Variants in OPHN1 observed in about 807,000 individuals in gnomAD.
OPHN1 encodes oligophrenin 1.
OPHN1 carries 11 observed loss-of-function variants against 60.7 expected under a neutral mutation model. The ratio of observed to expected loss-of-function variants is 0.18; its 90% CI spans 0.11 to 0.30. OPHN1 has a LOEUF of 0.30. Among genes scored for constraint, OPHN1 ranks in the 10% least tolerant of loss-of-function variants. The pLI is 1.00. For synonymous variants in OPHN1, 226 were observed against 222.6 expected, an observed-to-expected ratio of 1.02 and a Z score of -0.14; for missense variants, 449 against 611.0, an observed-to-expected ratio of 0.73 and a Z score of 2.80.
At chrX:68,331,853 G>A (rs1007066356) in intron 2 of OPHN1, among the ~76,000 whole-genome samples, 6 of 110,025 alleles carry the variant, frequency 5.5e-5, no homozygotes, top group East Asian at 2.8e-4. Context: ...GGCCAACATG[G>A]TGAAACTCTG....
intron 2 of OPHN1, among the ~76,000 whole-genome samples, chrX:68,426,806 A>C (rs1288840111): frequency 1.0e-5 from 1 of 98,343 alleles, no homozygotes; most frequent in Non-Finnish European, 2.1e-5. Flanking sequence ...AGGAGTTCGA[A>C]GTTGCAGTGA....
At chrX:68,231,727 T>C (rs1602258151) in intron 6 of OPHN1, among the ~76,000 whole-genome samples, 1 of 111,950 alleles carries the variant, frequency 8.9e-6, no homozygotes, top group Non-Finnish European at 1.9e-5. Flanking sequence ...ACCAACTATA[T>C]GACATTTTGG....
At chrX:68,403,153 T>C (rs1184694380) in intron 2 of OPHN1, among the ~76,000 whole-genome samples, 1 of 112,018 alleles carries the variant, frequency 8.9e-6, no homozygotes, top group Non-Finnish European at 1.9e-5. Flanking sequence ...TGTCCCTGTG[T>C]GTTAAATAGG....
intron 2 of OPHN1, among the ~76,000 whole-genome samples, chrX:68,337,536 T>C (rs2078329940): frequency 4.5e-5 from 5 of 111,395 alleles, no homozygotes. Flanking sequence ...TGGTTTTTTT[T>C]CTAAAGACAA....
intron 2 of OPHN1, 100 bp downstream of exon 2, chrX:68,432,767 G>T: frequency 3.1e-6 from 3 of 962,716 alleles, no homozygotes; most frequent in Non-Finnish European, 4.4e-6. Flanking sequence ...GATCTGGGCT[G>T]GGAGTCACCC....
chrX:68,200,561 G>A (rs187449664), intron 11 of OPHN1, among the ~76,000 whole-genome samples: 4 of 111,712 alleles, frequency 3.6e-5, no homozygotes, highest in South Asian at 3.8e-4. Context: ...GCAACAATAC[G>A]TACTTTCAGA....
intron 2 of OPHN1, among the ~76,000 whole-genome samples, chrX:68,305,715 T>C (rs1254578952): frequency 8.9e-6 from 1 of 112,683 alleles, no homozygotes; most frequent in African/African-American, 3.2e-5. Flanking sequence ...AGCTGCCCAC[T>C]AAGCAAACCT....
intron 15 of OPHN1, among the ~76,000 whole-genome samples, chrX:68,158,927 TAATTCACAA>T (rs2077322124): frequency 1.8e-5 from 2 of 111,856 alleles, no homozygotes; most frequent in South Asian, 7.5e-4. Context: ...CTGCTCCAGC[TAATTCACAA>T]GGCAGAGGTT....
intron 2 of OPHN1, among the ~76,000 whole-genome samples, chrX:68,319,033 A>C (rs896845603): frequency 1.8e-5 from 2 of 111,630 alleles, no homozygotes; most frequent in Non-Finnish European, 3.8e-5. Flanking sequence ...GATCACCTGG[A>C]TAACGCAGTG....
intron 2 of OPHN1, 77 bp downstream of exon 2, chrX:68,432,790 T>C: frequency 9.1e-7 from 1 of 1,102,637 alleles, no homozygotes; most frequent in East Asian, 3.0e-5. Context: ...CAATCTCCCT[T>C]CCCCTGGTGG....
rs987215215 is a variant in OPHN1, at chrX:68,261,720, C to T, written c.384+13018G>A. Among the ~76,000 whole-genome samples the T allele has an allele frequency of 5.4e-5, 6 of 111,382 alleles. No homozygotes were observed. The East Asian group carries it at 1.7e-3, about 31-fold the overall frequency. ...AAAAGGGGCAAAGAAAGGAATCATC[C>T]TTCATCTATCGTTGGCTCCAGAAAT... On this transcript the variant is annotated intron_variant, in intron 5 of 24. Transcript: ENST00000355520.
intron 21 of OPHN1, among the ~76,000 whole-genome samples, chrX:68,063,478 G>A (rs963043925): frequency 2.8e-5 from 3 of 107,341 alleles, no homozygotes; most frequent in South Asian, 4.3e-4. Context: ...CCGAGATCAC[G>A]TCACTGCACT....
intron 5 of OPHN1, among the ~76,000 whole-genome samples, chrX:68,251,523 T>C (rs1310104942): frequency 9.0e-6 from 1 of 111,174 alleles, no homozygotes; most frequent in Non-Finnish European, 1.9e-5. Flanking sequence ...GCAATGAAGA[T>C]TGAGGAATGG....
chrX:68,064,411 AC>A (rs2076905657), intron 20 of OPHN1, among the ~76,000 whole-genome samples: 1 of 111,095 alleles, frequency 9.0e-6, no homozygotes, highest in African/African-American at 3.3e-5. Flanking sequence ...GATTTTCACC[AC>A]CACAATTCAA....
intron 2 of OPHN1, among the ~76,000 whole-genome samples, chrX:68,324,919 A>G (rs1221473001): frequency 1.8e-5 from 2 of 108,324 alleles, no homozygotes; most frequent in African/African-American, 6.7e-5. Flanking sequence ...GGCATGGTGG[A>G]GTGCACTTGC....
intron 16 of OPHN1, among the ~76,000 whole-genome samples, chrX:68,118,315 G>A (rs971176337): frequency 2.7e-5 from 3 of 112,075 alleles, no homozygotes; most frequent in East Asian, 5.6e-4. Flanking sequence ...ACAACTAGCC[G>A]TAGCCTAGTA....
intron 2 of OPHN1, among the ~76,000 whole-genome samples, chrX:68,415,750 C>T (rs1346400280): frequency 9.0e-6 from 1 of 111,024 alleles, no homozygotes; most frequent in Non-Finnish European, 1.9e-5. Context: ...TGTGGTGGCC[C>T]ATGCCTGTAA....
chrX:68,070,359 G>A (rs2076928610), intron 20 of OPHN1, among the ~76,000 whole-genome samples: 1 of 111,848 alleles, frequency 8.9e-6, no homozygotes, highest in Non-Finnish European at 1.9e-5. Context: ...CAGTAAAGAT[G>A]AGCTGAGATG....
At chrX:68,424,902 C>T (rs1446512690) in intron 2 of OPHN1, among the ~76,000 whole-genome samples, 1 of 112,234 alleles carries the variant, frequency 8.9e-6, no homozygotes, top group Admixed American at 9.5e-5. Flanking sequence ...TATATCACCT[C>T]TGTCAAATTC....
Sources: allele counts gnomAD v4.1 joint callset (sites outside exome capture counted in the v4.1 genomes callset), GRCh38; gene constraint gnomAD v4.1.1; transcripts MANE v1.5; gene names NCBI Gene and HGNC (gene_info 2026-07-23, HGNC 2026-07-21).